IQCH: variants seen among roughly 807,000 people sequenced by gnomAD.
IQCH encodes the protein IQ domain-containing protein H.
A neutral mutation model predicts 117.0 loss-of-function variants in IQCH; 98 were observed. The observed-to-expected ratio is 0.84, with a 90% CI of 0.71 to 0.99. IQCH has a LOEUF of 0.99. IQCH is among the 50% of genes least tolerant of loss of function. The probability of loss-of-function intolerance (pLI) is 0.00; values close to 1 mark genes in which losing one functional copy is unlikely to be tolerated. For synonymous variants in IQCH, 412 were observed against 448.2 expected (o/e 0.92, Z 1.02); for missense variants, 1,102 against 1,243.8 (o/e 0.89, Z 1.72).
At chr15:67,440,595 T>C (rs2082244299) in intron 16 of IQCH, among the ~76,000 whole-genome samples, 1 of 152,120 alleles carries the variant, frequency 6.6e-6, no homozygotes, top group Admixed American at 6.5e-5. Flanking sequence ...ATACACTACA[T>C]AAACAATTAA....
intron 7 of IQCH, among the ~76,000 whole-genome samples, chr15:67,358,137 G>T (rs1378572933): frequency 2.2e-5 from 3 of 139,196 alleles, no homozygotes; most frequent in Non-Finnish European, 4.6e-5. Context: ...GGGATTATAG[G>T]CATGAGCCAC....
At chr15:67,294,043 A>G (rs1348040808) in intron 4 of IQCH, among the ~76,000 whole-genome samples, 1 of 152,210 alleles carries the variant, frequency 6.6e-6, no homozygotes, top group Non-Finnish European at 1.5e-5. Context: ...TTTGGAAAAC[A>G]TGCTCTTGTA....
In IQCH at chr15:67,463,412, A is replaced by G. The variant is rs2082847441; in HGVS notation, c.2506-1715A>G. Among the ~76,000 whole-genome samples, 1 of 152,220 alleles carries G rather than the reference A, an allele frequency of 6.6e-6. No individual in the cohort carries two copies. Among genetic ancestry groups the G allele is most frequent in the African/African-American group, 2.4e-5 (1 of 41,462 alleles). ...TTTAATTTCACTGGAGAACTGTTACATAGGATAAGGATTGGCTGGGCCAGA... is the reference window on the plus strand; with the variant it reads ...TTTAATTTCACTGGAGAACTGTTACGTAGGATAAGGATTGGCTGGGCCAGA... On this transcript the variant is annotated intron_variant, in intron 16 of 20. Transcript: ENST00000335894. The surrounding 1 kb of genome is among the most constrained non-coding windows in gnomAD (Gnocchi z 4.0).
chr15:67,341,904 A>T (rs1969192179), intron 5 of IQCH, among the ~76,000 whole-genome samples: 1 of 152,232 alleles, frequency 6.6e-6, no homozygotes, highest in Non-Finnish European at 1.5e-5. Flanking sequence ...AATTAGTGAC[A>T]TTCTTATCAG....
chr15:67,324,871 T>C (rs2140616497), intron 4 of IQCH, among the ~76,000 whole-genome samples: 1 of 152,228 alleles, frequency 6.6e-6, no homozygotes, highest in Non-Finnish European at 1.5e-5. Flanking sequence ...GGTTTGATTA[T>C]CATATGCTTG....
chr15:67,489,913 T>C, intron 18 of IQCH, 90 bp from the exon 19 acceptor site: 2 of 911,402 alleles, frequency 2.2e-6, no homozygotes, highest in East Asian at 2.4e-5. Context: ...ATCAAATCAA[T>C]CTTAGTAGTC....
chr15:67,308,369 G>T (rs1967412218), intron 4 of IQCH, among the ~76,000 whole-genome samples: 1 of 152,154 alleles, frequency 6.6e-6, no homozygotes, highest in Non-Finnish European at 1.5e-5. Context: ...AGTTTAAAAA[G>T]AAAATGTTGA....
chr15:67,429,652 G>A (rs1162072465), intron 16 of IQCH, among the ~76,000 whole-genome samples: 1 of 152,312 alleles, frequency 6.6e-6, no homozygotes, highest in African/African-American at 2.4e-5. Flanking sequence ...CATACACACA[G>A]GTCTTACAAT....
rs1384950672 is a variant in IQCH, at chr15:67,404,490, C to A, written c.2097+4185C>A. On this transcript the variant is annotated intron_variant, in intron 14 of 20. Coordinates refer to ENST00000335894, the MANE Select transcript of IQCH (RefSeq NM_001031715.3). The surrounding 1 kb of genome is among the most constrained non-coding windows in gnomAD (Gnocchi z 4.6). ...AAAGAGCCATTGCTTGTAATCACAT[C>A]ATTTTTAGAAAAGTTTAAAGATAAC... The A allele has an allele frequency of 6.6e-6, 1 of 152,132 alleles. No individual in the cohort carries two copies. Among genetic ancestry groups the A allele is most frequent in the Non-Finnish European group, 1.5e-5 (1 of 68,024 alleles). The allele number at this position is 152,132 out of a possible 1,614,324, so 9.4% of individuals were successfully genotyped here. A position where few individuals can be genotyped will look rare whatever the true frequency, so the allele number is the denominator to read the frequency against.
chr15:67,337,203 G>A (rs1968934426), intron 5 of IQCH, 108 bp downstream of exon 5: 3 of 1,295,158 alleles, frequency 2.3e-6, no homozygotes, highest in African/African-American at 1.5e-5. Flanking sequence ...TAATTCTCCT[G>A]GGTGGCCTCA....
rs1035282669 is a variant in IQCH, at chr15:67,405,937, G to C, written c.2097+5632G>C. The C allele has an allele frequency of 2.0e-5, 3 of 152,218 alleles. No homozygotes were observed. Among genetic ancestry groups the C allele is most frequent in the African/African-American group, 7.2e-5 (3 of 41,444 alleles). 9.4% of individuals were successfully genotyped at this position (152,218 alleles called of 1,614,324 possible). A position where few individuals can be genotyped will look rare whatever the true frequency, so the allele number is the denominator to read the frequency against. On this transcript the variant is annotated intron_variant, in intron 14 of 20. Coordinates refer to ENST00000335894, the MANE Select transcript of IQCH (RefSeq NM_001031715.3). This position sits in a 1 kb window ranked among gnomAD's most constrained non-coding sequence, Gnocchi z 4.8. ...ACAAGGCAGCAAACTGGGAGGTGTA[G>C]GGGGCCATCAATACACACACCTCAG...
rs7175865 is a variant in IQCH at position 67,411,130 on chromosome 15, C to G, written c.2098-5801C>G. ...GTGACTAAAATGTATCCTGTGCACACGGAGGCAGCCCTTCTAAATTCACCC... is the reference window on the plus strand; with the variant it reads ...GTGACTAAAATGTATCCTGTGCACAGGGAGGCAGCCCTTCTAAATTCACCC... On this transcript the variant is annotated intron_variant, in intron 14 of 20. Transcript: ENST00000335894. This position sits in a 1 kb window ranked among gnomAD's most constrained non-coding sequence, Gnocchi z 4.4. 1 allele frequency among the ~76,000 whole-genome samples: 152,312 copies of G among 152,332 alleles called. 76,146 individuals are homozygous for G. The highest frequency in any genetic ancestry group is 1 in the Middle Eastern group (294 of 294).
Position 67,370,162 on chromosome 15 carries a change from C to T in IQCH, c.754-1949C>T, listed in dbSNP as rs956413144. The stretch of plus-strand genomic sequence containing the variant: ...GCACTGTCTGAGAGAGACGTGAGTT[C>T]TCTCCTTTCTCAACTTCTGCCAAGG... On this transcript the variant is annotated intron_variant, in intron 8 of 20. Coordinates refer to ENST00000335894, the MANE Select transcript of IQCH (RefSeq NM_001031715.3). This position sits in a 1 kb window ranked among gnomAD's most constrained non-coding sequence, Gnocchi z 5.6. 6.6e-6 allele frequency among the ~76,000 whole-genome samples: 1 copy of T among 152,202 alleles called. No individual in the cohort carries two copies. The highest frequency in any genetic ancestry group is 6.5e-5 in the Admixed American group (1 of 15,274).
chr15:67,469,045 T>G (rs2083004444), intron 17 of IQCH, among the ~76,000 whole-genome samples: 1 of 152,244 alleles, frequency 6.6e-6, no homozygotes, highest in East Asian at 1.9e-4. Flanking sequence ...GAGCTTCCTT[T>G]ATTTAGCTTG....
chr15:67,278,063 G>A (rs1258812503), intron 3 of IQCH, among the ~76,000 whole-genome samples: 1 of 152,152 alleles, frequency 6.6e-6, no homozygotes, highest in East Asian at 1.9e-4. Flanking sequence ...ACCTTGACAA[G>A]TTTTTCTCAG....
intron 16 of IQCH, among the ~76,000 whole-genome samples, chr15:67,451,799 G>C (rs1276332660): frequency 6.6e-6 from 1 of 152,134 alleles, no homozygotes; most frequent in Non-Finnish European, 1.5e-5. Context: ...CTGTCTCGTC[G>C]ATCTGTCTAA....
intron 16 of IQCH, among the ~76,000 whole-genome samples, chr15:67,429,152 C>T (rs1267037288): frequency 6.6e-6 from 1 of 152,190 alleles, no homozygotes; most frequent in Non-Finnish European, 1.5e-5. Context: ...CAATTTGTTG[C>T]AGCAGCAATA....
intron 4 of IQCH, among the ~76,000 whole-genome samples, chr15:67,291,097 A>G (rs555695743): frequency 5.4e-4 from 83 of 152,344 alleles, no homozygotes; most frequent in Admixed American, 2.1e-3. Flanking sequence ...CCACTAGGGA[A>G]GGGACATACT....
intron 18 of IQCH, among the ~76,000 whole-genome samples, chr15:67,488,735 T>A (rs530771168): frequency 5.9e-5 from 9 of 152,312 alleles, no homozygotes; most frequent in African/African-American, 1.4e-4. Context: ...TAGATTCTCA[T>A]AAGGAGCATG....
Sources: gnomAD v4.1 joint callset for allele counts (sites outside exome capture counted in the v4.1 genomes callset) on GRCh38, gnomAD v4.1.1 for gene constraint, Gnocchi (gnomAD v3.1) non-coding constraint, MANE v1.5 for transcripts, NCBI Gene and HGNC (gene_info 2026-07-23, HGNC 2026-07-21) for gene names.